Variants in KCNRG observed in about 807,000 individuals in gnomAD.
KCNRG encodes the protein potassium channel regulator.
Under a neutral mutation model 17.7 loss-of-function variants are expected in KCNRG, and 17 were observed. The ratio of observed to expected loss-of-function variants is 0.96; its 90% confidence interval spans 0.66 to 1.44. KCNRG has a LOEUF of 1.44. KCNRG is among the 40% of genes most tolerant of loss of function. The probability of loss-of-function intolerance (pLI) is 0.00; values close to 1 mark genes in which losing one functional copy is unlikely to be tolerated. For missense variants in KCNRG, 311 were observed against 321.1 expected (o/e 0.97, Z 0.24); for synonymous variants, 97 against 116.5 (o/e 0.83, Z 1.08).
At position 50,020,375 on chromosome 13, in the gene KCNRG, G is replaced by T. The variant is rs745323103; in HGVS notation, c.740G>T (p.Ser247Ile). Residue 247 changes from serine to isoleucine, a missense_variant, in exon 2 of 2, where the codon AGC (serine) becomes ATC (isoleucine). Physicochemically the swap from Ser to Ile is moderately radical, Grantham distance 142 (BLOSUM62 -2). Transcript: ENST00000312942. Reference protein sequence around the residue: ...TECYSFERIKSPEVLITNETP... With the variant: ...TECYSFERIKIPEVLITNETP... ...TGCTATAGCTTTGAAAGGATAAAAA[G>T]CCCTGAAGTGCTCATCACGAATGAA... 1.9e-6 allele frequency: 3 copies of T among 1,613,840 alleles called. No individual in the cohort carries two copies. In the South Asian group the frequency reaches 3.3e-5, roughly 18 times the overall value.
intron 1 of KCNRG, 122 bp downstream of exon 1, chr13:50,016,193 T>C: frequency 1.4e-6 from 1 of 732,258 alleles, no homozygotes; most frequent in Non-Finnish European, 2.2e-6. Context: ...TGTTTTGGGG[T>C]AACCAGTGGA....
rs1876742629 is a variant in KCNRG at position 50,017,411 on chromosome 13, C to G, written c.578+1340C>G. On this transcript the variant is annotated intron_variant, in intron 1 of 1. Transcript: ENST00000312942. ...TTTCCTTGAAAAACATGATTAAAAA[C>G]TAAAACTGGGATGTTCCTGTGTGTA... The G allele has an allele frequency of 1.8e-5, 3 of 167,064 alleles. No individual in the cohort carries two copies. The Admixed American group carries it at 2.0e-4, about 11-fold the overall frequency. 10.3% of individuals were successfully genotyped at this position (167,064 alleles called of 1,614,324 possible).
At position 50,016,070 on chromosome 13, in the gene KCNRG, A is replaced by G; in HGVS notation, c.577A>G (p.Arg193Gly). The G allele has an allele frequency of 6.2e-7, 1 of 1,610,756 alleles. No homozygotes were observed. ...CACTACTGATAACCAAACTGGAGTCAGGTATTTTGTACTTTGCAGTATTTC... is the reference window on the plus strand; with the variant it reads ...CACTACTGATAACCAAACTGGAGTCGGGTATTTTGTACTTTGCAGTATTTC... ...DSTTDNQTGV[R>G]YVSIKPDNRK... is the part of the protein sequence containing the mutation. The change falls in exon 1 of 2, where the codon AGG (arginine) becomes GGG (glycine). Residue 193 changes from arginine (R) to glycine (G), a missense_variant and splice_region_variant. By Grantham distance (125) the Arg-to-Gly change is moderately radical. Transcript: ENST00000312942.
chr13:50,016,051 T>C lies in KCNRG; in HGVS notation c.558T>C (p.Thr186=). The part of the protein sequence containing the change: ...LVFQCGSDST[T]DNQTGVRYVS... ...TCCAGTGTGGTTCTGACAGCACTAC[T>C]GATAACCAAACTGGAGTCAGGTATT... Residue 186 remains threonine (T), a synonymous_variant, in exon 1 of 2, where the codon ACT becomes ACC. Transcript: ENST00000312942. The C allele has an allele frequency of 6.2e-7, 1 of 1,613,208 alleles. No individual in the cohort carries two copies. Among genetic ancestry groups the C allele is most frequent in the Non-Finnish European group, 8.5e-7 (1 of 1,179,186 alleles).
In KCNRG at chr13:50,015,591, G is replaced by A. The variant is rs757054444; in HGVS notation, c.98G>A (p.Arg33His). The A allele has an allele frequency of 5.6e-6, 9 of 1,614,070 alleles. No homozygotes were observed. Among genetic ancestry groups the A allele is most frequent in the Admixed American group, 1.7e-5 (1 of 60,022 alleles). ...CAGTTTCCTGCTTCTCGTTTGGCAC[G>A]CATGTTAGATGGCAGAGACCAAGAA... The part of the protein sequence containing the change: ...IKQFPASRLA[R>H]MLDGRDQEFK... The change falls in exon 1 of 2, where the codon CGC (arginine) becomes CAC (histidine). Residue 33 changes from arginine (R) to histidine (H), a missense_variant. Arg to His is a conservative substitution (Grantham distance 29). Transcript: ENST00000312942.
In KCNRG at chr13:50,020,457, T is replaced by A. The variant is rs1045859595; in HGVS notation, c.*3T>A. The A allele has an allele frequency of 6.2e-7, 1 of 1,610,818 alleles. No homozygotes were observed. The highest frequency in any genetic ancestry group is 1.3e-5 in the African/African-American group (1 of 74,720). ...AGCAATCTCAGATAAAGAAATGAAG[T>A]TGTCTATCCTCTTTTAAAGAGAAAT... On this transcript the variant is annotated 3_prime_UTR_variant, in exon 2 of 2. Coordinates refer to ENST00000312942, the MANE Select transcript of KCNRG (RefSeq NM_173605.2).
In KCNRG at chr13:50,020,638, C is replaced by A. The variant is rs867811276; in HGVS notation, c.*184C>A. The A allele has an allele frequency of 3.4e-6, 2 of 587,690 alleles. No homozygotes were observed. The highest frequency in any genetic ancestry group is 6.0e-6 in the Non-Finnish European group (2 of 332,582). The allele number at this position is 587,690 out of a possible 1,614,324, so 36.4% of individuals were successfully genotyped here. A position where few individuals can be genotyped will look rare whatever the true frequency, so the allele number is the denominator to read the frequency against. ...AATGCCTGCTGCTCTCTAGACAACT[C>A]CATGTACTTGGTGCTTTGGTATATG... On this transcript the variant is annotated 3_prime_UTR_variant, in exon 2 of 2. Coordinates refer to ENST00000312942, the MANE Select transcript of KCNRG (RefSeq NM_173605.2).
Position 50,020,758 on chromosome 13 carries a change from A to C in KCNRG, c.*304A>C. On this transcript the variant is annotated 3_prime_UTR_variant, in exon 2 of 2. Coordinates refer to ENST00000312942, the MANE Select transcript of KCNRG (RefSeq NM_173605.2). Reference sequence around the variant, plus strand: ...ACACTAGCTTGGGTGACAGAGGAAGACTGTCTCAAAAAAAAAAAAATTGAT... The same window carrying C: ...ACACTAGCTTGGGTGACAGAGGAAGCCTGTCTCAAAAAAAAAAAAATTGAT... The C allele has an allele frequency of 3.7e-6, 1 of 269,850 alleles. No homozygotes were observed. Among genetic ancestry groups the C allele is most frequent in the African/African-American group, 2.2e-5 (1 of 46,432 alleles). The allele number at this position is 269,850 out of a possible 1,614,324, so 16.7% of individuals were successfully genotyped here. A position where few individuals can be genotyped will look rare whatever the true frequency, so the allele number is the denominator to read the frequency against.
At chr13:50,020,180 G>A in intron 1 of KCNRG, 34 bp from the exon 2 acceptor site, 3 of 1,604,572 alleles carry the variant, frequency 1.9e-6, no homozygotes, top group South Asian at 1.1e-5. Flanking sequence ...TTAAAGGGAT[G>A]CTTTATAATT....
Position 50,020,802 on chromosome 13 carries a change from A to T in KCNRG, c.*348A>T, listed in dbSNP as rs1877117834. The T allele has an allele frequency of 4.4e-6, 1 of 227,418 alleles. No individual in the cohort carries two copies. Among genetic ancestry groups the T allele is most frequent in the Non-Finnish European group, 8.9e-6 (1 of 112,870 alleles). The allele number at this position is 227,418 out of a possible 1,614,324, so 14.1% of individuals were successfully genotyped here. A position where few individuals can be genotyped will look rare whatever the true frequency, so the allele number is the denominator to read the frequency against. On this transcript the variant is annotated 3_prime_UTR_variant, in exon 2 of 2. Coordinates refer to ENST00000312942, the MANE Select transcript of KCNRG (RefSeq NM_173605.2). ...AATTGATCAAACTGATGGATACCCT[A>T]AGTACCCTGACTTGATCATTACACC...
intron 1 of KCNRG, among the ~76,000 whole-genome samples, chr13:50,019,475 A>C (rs560888629): frequency 2.0e-5 from 3 of 152,222 alleles, no homozygotes; most frequent in Non-Finnish European, 2.9e-5. Context: ...AAAATCCATA[A>C]TGTCAGTGCT....
chr13:50,018,760 T>A (rs1876930150), intron 1 of KCNRG: 1 of 153,312 alleles, frequency 6.5e-6, no homozygotes, highest in African/African-American at 2.4e-5. Context: ...GCTGTATCCA[T>A]GCAGATGTGT....
Position 50,020,424 on chromosome 13 carries a change from C to T in KCNRG, c.789C>T (p.Ile263=), listed in dbSNP as rs771129349. ...AAACACCAAAACCAGAGACTATCAT[C>T]ATACCAGAGCAATCTCAGATAAAGA... The part of the protein sequence containing the change: ...TNETPKPETI[I]IPEQSQIKK The change falls in exon 2 of 2, where the codon ATC becomes ATT. Residue 263 remains isoleucine, a synonymous_variant. Transcript: ENST00000312942. 2.2e-5 allele frequency: 35 copies of T among 1,613,432 alleles called. No individual in the cohort carries two copies. The highest frequency in any genetic ancestry group is 2.9e-5 in the Non-Finnish European group (34 of 1,179,772).
intron 1 of KCNRG, chr13:50,018,081 TCTC>T (rs1000981201): frequency 1.2e-5 from 2 of 167,082 alleles, no homozygotes; most frequent in African/African-American, 2.4e-5. Flanking sequence ...TTATTTGACT[TCTC>T]CTTTTTGAAC....
chr13:50,019,860 A>G (rs1024586270), intron 1 of KCNRG, among the ~76,000 whole-genome samples: 3 of 152,040 alleles, frequency 2.0e-5, no homozygotes, highest in Non-Finnish European at 4.4e-5. Flanking sequence ...CAACATGGTG[A>G]AACTCAATCT....
chr13:50,018,452 CT>C (rs1566453130), intron 1 of KCNRG: 1 of 165,958 alleles, frequency 6.0e-6, no homozygotes. Context: ...ACATAATAAA[CT>C]TTTTTTGAGA....
At chr13:50,018,540 C>G (rs1368760870) in intron 1 of KCNRG, 3 of 155,662 alleles carry the variant, frequency 1.9e-5, no homozygotes, top group Non-Finnish European at 4.4e-5. Context: ...ATGTGAACTA[C>G]AAAAACCACT....
In KCNRG at chr13:50,016,092, T is replaced by G. The variant is rs747832547; in HGVS notation, c.578+21T>G. On this transcript the variant is annotated intron_variant, in intron 1 of 1. Transcript: ENST00000312942. ...GTCAGGTATTTTGTACTTTGCAGTA[T>G]TTCTCTTGTATACCAGTTTGTGATG... is the stretch of plus-strand genomic sequence containing the variant. The G allele has an allele frequency of 1.9e-6, 3 of 1,568,496 alleles. No individual in the cohort carries two copies. The African/African-American group carries it at 4.1e-5, about 21-fold the overall frequency.
chr13:50,017,923 A>G (rs768669906), intron 1 of KCNRG: 1 of 167,050 alleles, frequency 6.0e-6, no homozygotes, highest in Admixed American at 6.5e-5. Context: ...TGTTCTATCA[A>G]TATGATTTAC....
Sources: gnomAD v4.1 joint callset for allele counts (sites outside exome capture counted in the v4.1 genomes callset) on GRCh38, gnomAD v4.1.1 for gene constraint, MANE v1.5 for transcripts, NCBI Gene and HGNC (gene_info 2026-07-23, HGNC 2026-07-21) for gene names.